Variants in CLEC2D observed in about 807,000 individuals in gnomAD.
CLEC2D encodes C-type lectin related f.
A neutral mutation model predicts 20.0 loss-of-function variants in CLEC2D; 16 were observed. The observed-to-expected ratio is 0.80, with a 90% CI of 0.54 to 1.22. The LOEUF is 1.22. Ranked by LOEUF, CLEC2D falls within the 50% of genes most tolerant of loss-of-function variation. CLEC2D has a pLI of 0.00. For missense variants in CLEC2D, 207 were observed against 221.5 expected, an observed-to-expected ratio of 0.93 and a Z score of 0.42; for synonymous variants, 77 against 71.1, an observed-to-expected ratio of 1.08 and a Z score of -0.42.
rs1865947238 is a variant in CLEC2D at position 9,694,967 on chromosome 12, C to G, written c.*93C>G. The G allele has an allele frequency of 1.5e-6, 1 of 684,584 alleles. No individual in the cohort carries two copies. Among genetic ancestry groups the G allele is most frequent in the East Asian group, 2.7e-5 (1 of 37,144 alleles). 42.4% of individuals were successfully genotyped at this position (684,584 alleles called of 1,614,324 possible). A position where few individuals can be genotyped will look rare whatever the true frequency, so the allele number is the denominator to read the frequency against. On this transcript the variant is annotated 3_prime_UTR_variant, in exon 5 of 5. Coordinates refer to ENST00000290855, the MANE Select transcript of CLEC2D (RefSeq NM_013269.6). The stretch of plus-strand genomic sequence containing the variant: ...GCAAAGAATTTATTTCTTATACCAA[C>G]AGGTATATGAAAATATGCTCAATAT...
chr12:9,696,673 C>G lies in CLEC2D; in HGVS notation c.*1799C>G. ...AAATTTGGGTGGAGACACAACCAAA[C>G]CATATCAGATGGCTATATCAAAAAG... On this transcript the variant is annotated 3_prime_UTR_variant, in exon 5 of 5. Transcript: ENST00000290855. 5.9e-6 allele frequency: 1 copy of G among 170,520 alleles called. No homozygotes were observed. Among genetic ancestry groups the G allele is most frequent in the Non-Finnish European group, 1.3e-5 (1 of 79,628 alleles). The allele number at this position is 170,520 out of a possible 1,614,324, so 10.6% of individuals were successfully genotyped here. A position where few individuals can be genotyped will look rare whatever the true frequency, so the allele number is the denominator to read the frequency against.
intron 2 of CLEC2D, among the ~76,000 whole-genome samples, chr12:9,681,820 T>C (rs1176584431): frequency 2.0e-5 from 3 of 152,220 alleles, no homozygotes; most frequent in African/African-American, 7.2e-5. Flanking sequence ...CATTTGCAAA[T>C]CTTTTGCTTA....
intron 2 of CLEC2D, among the ~76,000 whole-genome samples, chr12:9,684,428 G>T (rs1398090387): frequency 1.3e-5 from 2 of 152,152 alleles, no homozygotes; most frequent in Non-Finnish European, 2.9e-5. Flanking sequence ...TTGAATAGGA[G>T]TGGTGAGAGA....
chr12:9,676,092 T>C (rs1239686125), intron 1 of CLEC2D, among the ~76,000 whole-genome samples: 1 of 152,222 alleles, frequency 6.6e-6, no homozygotes, highest in South Asian at 2.1e-4. Flanking sequence ...AGAAATACAG[T>C]TTTATTTCTT....
intron 2 of CLEC2D, among the ~76,000 whole-genome samples, chr12:9,686,881 A>G (rs1591698931): frequency 1.3e-5 from 2 of 152,240 alleles, no homozygotes; most frequent in South Asian, 4.1e-4. Context: ...TCACTGTACA[A>G]CAACTTATTT....
At chr12:9,688,116 G>C in intron 3 of CLEC2D, 30 bp downstream of exon 3, 2 of 1,508,438 alleles carry the variant, frequency 1.3e-6, no homozygotes, top group Non-Finnish European at 1.8e-6. Context: ...CAGAATCAAA[G>C]ATTCAGCCCT....
chr12:9,674,360 C>T (rs911979969), intron 1 of CLEC2D: 16 of 152,336 alleles, frequency 1.1e-4, no homozygotes, highest in African/African-American at 3.9e-4. Flanking sequence ...AGGCAAGTCT[C>T]CCCACCCTGT....
In CLEC2D at chr12:9,680,965, T is replaced by C. The variant is rs751113726; in HGVS notation, c.104T>C (p.Ile35Thr). ...GAGCATTCTATTAAAGCTACCTTAATTTGGCGCTTATTTTTCTTAATCATG... is the reference window on the plus strand; with the variant it reads ...GAGCATTCTATTAAAGCTACCTTAACTTGGCGCTTATTTTTCTTAATCATG... ...SKEHSIKATL[I>T]WRLFFLIMFL... The change falls in exon 2 of 5, where the codon ATT (isoleucine) becomes ACT (threonine). Residue 35 changes from isoleucine (I) to threonine (T), a missense_variant. Physicochemically the swap from Ile to Thr is moderately conservative, Grantham distance 89. Coordinates refer to ENST00000290855, the MANE Select transcript of CLEC2D (RefSeq NM_013269.6). The C allele has an allele frequency of 5.6e-6, 9 of 1,606,624 alleles. No individual in the cohort carries two copies. Among genetic ancestry groups the C allele is most frequent in the Non-Finnish European group, 7.7e-6 (9 of 1,174,066 alleles).
chr12:9,672,681 G>A (rs1565463238), intron 1 of CLEC2D, among the ~76,000 whole-genome samples: 2 of 152,048 alleles, frequency 1.3e-5, no homozygotes, highest in Admixed American at 1.3e-4. Flanking sequence ...CATCCTCCCT[G>A]TCTCTTTCAG....
chr12:9,684,171 CTGTT>C (rs1865704980), intron 2 of CLEC2D, among the ~76,000 whole-genome samples: 2 of 152,104 alleles, frequency 1.3e-5, no homozygotes, highest in African/African-American at 4.8e-5. Flanking sequence ...ATTTGGCTCT[CTGTT>C]TGTCTGTTAT....
intron 1 of CLEC2D, among the ~76,000 whole-genome samples, chr12:9,678,257 G>A (rs1030376460): frequency 1.4e-4 from 21 of 151,958 alleles, no homozygotes; most frequent in Non-Finnish European, 2.6e-4. Flanking sequence ...TTGCTTTGAG[G>A]TTTGTTCTGT....
At chr12:9,690,073 T>C (rs777540872) in intron 3 of CLEC2D, among the ~76,000 whole-genome samples, 1 of 152,044 alleles carries the variant, frequency 6.6e-6, no homozygotes, top group Non-Finnish European at 1.5e-5. Context: ...TATAGTCAAG[T>C]TGACAAAATC....
intron 4 of CLEC2D, among the ~76,000 whole-genome samples, chr12:9,694,325 A>G (rs1865932258): frequency 1.3e-5 from 2 of 152,218 alleles, no homozygotes; most frequent in African/African-American, 4.8e-5. Flanking sequence ...CAAGCCATCT[A>G]AACTCAGCTA....
intron 2 of CLEC2D, among the ~76,000 whole-genome samples, chr12:9,687,135 C>T (rs1180357781): frequency 1.3e-5 from 2 of 152,092 alleles, no homozygotes; most frequent in Non-Finnish European, 2.9e-5. Context: ...ATTATTATTA[C>T]ATTGTGTAAT....
chr12:9,686,864 A>G (rs1865759235), intron 2 of CLEC2D, among the ~76,000 whole-genome samples: 1 of 152,224 alleles, frequency 6.6e-6, no homozygotes, highest in African/African-American at 2.4e-5. Flanking sequence ...CCTTAGTGGA[A>G]GGAAGTTCAC....
chr12:9,680,863 T>G, intron 1 of CLEC2D, 60 bp from the exon 2 acceptor site: 1 of 824,304 alleles, frequency 1.2e-6, no homozygotes, highest in Non-Finnish European at 2.0e-6. Context: ...ATGCTTAATG[T>G]TTCTGGCAGT....
intron 4 of CLEC2D, chr12:9,693,137 C>T (rs770684592): frequency 1.3e-6 from 2 of 1,558,098 alleles, no homozygotes; most frequent in South Asian, 1.1e-5. Context: ...TGACTGTGAA[C>T]TTGGCTCCAG....
chr12:9,670,511 G>A (rs1474486534), intron 1 of CLEC2D, among the ~76,000 whole-genome samples: 1 of 152,156 alleles, frequency 6.6e-6, no homozygotes, highest in Non-Finnish European at 1.5e-5. Flanking sequence ...GGTATTTTGA[G>A]CATTTTATAC....
chr12:9,683,329 GTGTTTGT>G (rs1865680589), intron 2 of CLEC2D, among the ~76,000 whole-genome samples: 8 of 83,788 alleles, frequency 9.5e-5, no homozygotes, highest in African/African-American at 4.0e-4. Context: ...TTTGTTTTTT[GTGTTTGT>G]TTTTTTTTTT....
Sources: gnomAD v4.1 joint callset for allele counts (sites outside exome capture counted in the v4.1 genomes callset) on GRCh38, gnomAD v4.1.1 for gene constraint, MANE v1.5 for transcripts, NCBI Gene and HGNC (gene_info 2026-07-23, HGNC 2026-07-21) for gene names.